Variants in CAMKMT observed in about 807,000 individuals in gnomAD.
CAMKMT encodes CaM KMT.
CAMKMT carries 53 observed loss-of-function variants against 48.0 expected under a neutral mutation model. The observed-to-expected ratio is 1.10, with a 90% CI of 0.89 to 1.39. CAMKMT has a LOEUF of 1.39. Among genes scored for constraint, CAMKMT ranks in the 40% most tolerant of loss-of-function variants. The probability of loss-of-function intolerance (pLI) is 0.00; values close to 1 mark genes in which losing one functional copy is unlikely to be tolerated. For synonymous variants in CAMKMT, 165 were observed against 152.3 expected, an observed-to-expected ratio of 1.08 and a Z score of -0.61; for missense variants, 428 against 402.7, an observed-to-expected ratio of 1.06 and a Z score of -0.54.
intron 3 of CAMKMT, among the ~76,000 whole-genome samples, chr2:44,553,690 C>A (rs890693409): frequency 1.3e-5 from 2 of 152,090 alleles, no homozygotes; most frequent in Non-Finnish European, 2.9e-5. Context: ...TAGAAATGTG[C>A]TCTGAGACTG....
intron 2 of CAMKMT, among the ~76,000 whole-genome samples, chr2:44,374,734 T>C (rs530648426): frequency 6.6e-6 from 1 of 152,324 alleles, no homozygotes; most frequent in East Asian, 1.9e-4. Context: ...TCTTGTGATA[T>C]ATGAAAGAAT....
chr2:44,758,414 G>C (rs919123479), intron 9 of CAMKMT, among the ~76,000 whole-genome samples: 1 of 152,106 alleles, frequency 6.6e-6, no homozygotes, highest in Non-Finnish European at 1.5e-5. Context: ...AACCAAACAG[G>C]CACCTGTGCC....
rs377052141 is a variant in CAMKMT, at chr2:44,770,939, G to A, written c.895-1097G>A. ...GGAAAGTAGATTGGAAAGTGGATTA[G>A]AAATTAAAGGCTGAATTAGCTTTAT... is the stretch of plus-strand genomic sequence containing the variant. On this transcript the variant is annotated intron_variant, in intron 10 of 10. Coordinates refer to ENST00000378494, the MANE Select transcript of CAMKMT (RefSeq NM_024766.5). 1.3e-3 allele frequency among the ~76,000 whole-genome samples: 198 copies of A among 152,354 alleles called. 2 individuals carry two copies. The highest frequency in any genetic ancestry group is 5.4e-3 in the South Asian group (26 of 4,832).
chr2:44,520,445 A>ACTT (rs1339230527), intron 3 of CAMKMT, among the ~76,000 whole-genome samples: 1 of 152,076 alleles, frequency 6.6e-6, no homozygotes, highest in African/African-American at 2.4e-5. Flanking sequence ...ACTATGCAAT[A>ACTT]CTTCTACTCA....
chr2:44,728,303 C>A (rs2104337425), intron 7 of CAMKMT, among the ~76,000 whole-genome samples: 1 of 152,238 alleles, frequency 6.6e-6, no homozygotes, highest in Non-Finnish European at 1.5e-5. Flanking sequence ...TTTTGATCTG[C>A]TGCTAGATTC....
In CAMKMT at chr2:44,467,806, A is replaced by G. The variant is rs1020538082; in HGVS notation, c.376+77501A>G. Among the ~76,000 whole-genome samples, 3 of 152,290 alleles carry G rather than the reference A, an allele frequency of 2.0e-5. 1 individual carries two copies. The highest frequency in any genetic ancestry group is 4.1e-4 in the South Asian group (2 of 4,820). On this transcript the variant is annotated intron_variant, in intron 3 of 10. Coordinates refer to ENST00000378494, the MANE Select transcript of CAMKMT (RefSeq NM_024766.5). ...GTGGGAAAACTGGATATCCATATGT[A>G]GAAGAATGAAACTAGACTCCTAGTT... is the stretch of plus-strand genomic sequence containing the variant.
At chr2:44,404,473 A>C (rs1267963012) in intron 3 of CAMKMT, among the ~76,000 whole-genome samples, 2 of 152,108 alleles carry the variant, frequency 1.3e-5, no homozygotes, top group Non-Finnish European at 2.9e-5. Flanking sequence ...CTAGGAGAGC[A>C]CTAAGTTGCT....
chr2:44,590,935 G>A (rs1194041237), intron 3 of CAMKMT, among the ~76,000 whole-genome samples: 1 of 151,770 alleles, frequency 6.6e-6, no homozygotes, highest in Non-Finnish European at 1.5e-5. Flanking sequence ...TTTGTATAAG[G>A]TGTAAGGAAG....
At chr2:44,391,318 T>A (rs376631136) in intron 3 of CAMKMT, among the ~76,000 whole-genome samples, 17 of 152,284 alleles carry the variant, frequency 1.1e-4, no homozygotes, top group African/African-American at 4.1e-4. Context: ...ATACCTAAAA[T>A]AATGTAGGTT....
intron 7 of CAMKMT, among the ~76,000 whole-genome samples, chr2:44,717,055 G>A (rs1378370607): frequency 2.0e-5 from 3 of 152,092 alleles, no homozygotes; most frequent in Admixed American, 1.3e-4. Context: ...AAATAATTAA[G>A]TTACATAAAC....
Position 44,545,036 on chromosome 2 carries a change from A to G in CAMKMT, c.376+154731A>G, listed in dbSNP as rs186585140. On this transcript the variant is annotated intron_variant, in intron 3 of 10. Transcript: ENST00000378494. ...CACTGGTCCAAACAGCAAATTTTCC[A>G]TAGAGAGCAGAAACTCTTTCAAGCT... is the stretch of plus-strand genomic sequence containing the variant. Among the ~76,000 whole-genome samples the G allele has an allele frequency of 5.3e-5, 8 of 152,328 alleles. No homozygotes were observed. The East Asian group carries it at 1.3e-3, about 26-fold the overall frequency.
intron 3 of CAMKMT, among the ~76,000 whole-genome samples, chr2:44,536,263 G>T (rs1449387867): frequency 6.6e-6 from 1 of 151,524 alleles, no homozygotes; most frequent in African/African-American, 2.4e-5. Flanking sequence ...AATTAATATT[G>T]TTAAAATGAC....
At chr2:44,453,368 G>A (rs997717905) in intron 3 of CAMKMT, among the ~76,000 whole-genome samples, 1 of 152,014 alleles carries the variant, frequency 6.6e-6, no homozygotes, top group Non-Finnish European at 1.5e-5. Context: ...TTTAGTTCAA[G>A]TGAACCATCT....
At chr2:44,529,296 C>T (rs575833940) in intron 3 of CAMKMT, among the ~76,000 whole-genome samples, 7 of 152,238 alleles carry the variant, frequency 4.6e-5, no homozygotes, top group Non-Finnish European at 8.8e-5. Context: ...ACTTGAAAAT[C>T]ACCATAAAAT....
intron 6 of CAMKMT, among the ~76,000 whole-genome samples, chr2:44,712,286 T>A (rs1282054283): frequency 6.6e-6 from 1 of 152,104 alleles, no homozygotes; most frequent in East Asian, 1.9e-4. Context: ...AAGTGGTGCT[T>A]TGTGAATCAC....
At chr2:44,373,960 C>T (rs978842073) in intron 2 of CAMKMT, among the ~76,000 whole-genome samples, 1 of 151,066 alleles carries the variant, frequency 6.6e-6, no homozygotes, top group African/African-American at 2.4e-5. Context: ...CCCACCTTTA[C>T]AAAAAATACA....
intron 3 of CAMKMT, among the ~76,000 whole-genome samples, chr2:44,466,875 A>G (rs1668142096): frequency 6.6e-6 from 1 of 152,216 alleles, no homozygotes; most frequent in Admixed American, 6.5e-5. Context: ...ACTACTATGA[A>G]CAATTACACA....
chr2:44,648,006 A>G (rs778049685), intron 3 of CAMKMT, among the ~76,000 whole-genome samples: 8 of 151,826 alleles, frequency 5.3e-5, no homozygotes, highest in African/African-American at 9.7e-5. Context: ...AAAAGTGGAG[A>G]TTAAAAACCC....
At chr2:44,376,965 T>G (rs1679760175) in intron 2 of CAMKMT, among the ~76,000 whole-genome samples, 1 of 152,128 alleles carries the variant, frequency 6.6e-6, no homozygotes, top group South Asian at 2.1e-4. Context: ...GTATGACTCC[T>G]GGATTTTGTT....
Sources: gnomAD v4.1 joint callset for allele counts (sites outside exome capture counted in the v4.1 genomes callset) on GRCh38, gnomAD v4.1.1 for gene constraint, MANE v1.5 for transcripts, NCBI Gene and HGNC (gene_info 2026-07-23, HGNC 2026-07-21) for gene names.